The following PLG variants were observed in gnomAD, a reference collection of about 807,000 sequenced individuals.
PLG encodes the protein plasmin.
In PLG, 41 loss-of-function variants were observed where a neutral mutation model predicts 104.4. The ratio of observed to expected loss-of-function variants is 0.39; its 90% CI spans 0.31 to 0.51. The LOEUF (loss-of-function observed/expected upper bound fraction) is 0.51. Ranked by LOEUF, PLG falls within the 20% of genes least tolerant of loss-of-function variation. The pLI, the probability that PLG is intolerant of heterozygous loss-of-function variation, is 0.76. For synonymous variants in PLG, 337 were observed against 357.1 expected, an observed-to-expected ratio of 0.94 and a Z score of 0.63; for missense variants, 891 against 1,003.6, an observed-to-expected ratio of 0.89 and a Z score of 1.52.
At chr6:160,715,737 A>G (rs1209023591) in intron 6 of PLG, among the ~76,000 whole-genome samples, 1 of 152,190 alleles carries the variant, frequency 6.6e-6, no homozygotes, top group Non-Finnish European at 1.5e-5. Flanking sequence ...TCCCATTCCA[A>G]ATAGCTAGCT....
chr6:160,709,878 G>A (rs781015617), intron 3 of PLG, among the ~76,000 whole-genome samples: 2 of 152,116 alleles, frequency 1.3e-5, no homozygotes, highest in Non-Finnish European at 2.9e-5. Context: ...GGCTAAAGTG[G>A]GTAACCTTAA....
chr6:160,736,782 G>C lies in PLG; in HGVS notation c.1682-105G>C, dbSNP rs568683557. On this transcript the variant is annotated intron_variant, in intron 13 of 18. Coordinates refer to ENST00000308192, the MANE Select transcript of PLG (RefSeq NM_000301.5). The surrounding 1 kb of genome is among the most constrained non-coding windows in gnomAD (Gnocchi z 5.2). ...AGATGATGATTTTACTATTTAGTTC[G>C]GCCTTTAAGATGTCAAAAACTCAGT... The C allele has an allele frequency of 1.4e-6, 2 of 1,413,096 alleles. No homozygotes were observed. The highest frequency in any genetic ancestry group is 1.2e-5 in the South Asian group (1 of 85,610). 87.5% of individuals were successfully genotyped at this position (1,413,096 alleles called of 1,614,324 possible).
In PLG at chr6:160,734,541, G is replaced by A. The variant is rs1468804774; in HGVS notation, c.1681+453G>A. Among the ~76,000 whole-genome samples the A allele has an allele frequency of 2.0e-5, 3 of 152,094 alleles. No individual in the cohort carries two copies. Among genetic ancestry groups the A allele is most frequent in the African/African-American group, 4.8e-5 (2 of 41,416 alleles). On this transcript the variant is annotated intron_variant, in intron 13 of 18. Coordinates refer to ENST00000308192, the MANE Select transcript of PLG (RefSeq NM_000301.5). This position sits in a 1 kb window ranked among gnomAD's most constrained non-coding sequence, Gnocchi z 4.4. ...GGCCATCCTAGGAATTCAATGAAAG[G>A]TAGTGCAGCTCTTTAGCCCCAGATG...
Position 160,731,976 on chromosome 6 carries a change from G to T in PLG, c.1587+83G>T. ...ATTGGTTCTGTGTTACAGAAAATCTGACCTGGACTGCTCTTTTTTGTAATG... is the reference window on the plus strand; with the variant it reads ...ATTGGTTCTGTGTTACAGAAAATCTTACCTGGACTGCTCTTTTTTGTAATG... On this transcript the variant is annotated intron_variant, in intron 12 of 18. Coordinates refer to ENST00000308192, the MANE Select transcript of PLG (RefSeq NM_000301.5). The surrounding 1 kb of genome is among the most constrained non-coding windows in gnomAD (Gnocchi z 5.1). 7.2e-7 allele frequency: 1 copy of T among 1,386,844 alleles called. No homozygotes were observed. Among genetic ancestry groups the T allele is most frequent in the South Asian group, 1.2e-5 (1 of 86,310 alleles). The allele number at this position is 1,386,844 out of a possible 1,614,324, so 85.9% of individuals were successfully genotyped here. A position where few individuals can be genotyped will look rare whatever the true frequency, so the allele number is the denominator to read the frequency against.
At chr6:160,706,965 AG>A (rs1777539002) in intron 2 of PLG, among the ~76,000 whole-genome samples, 2 of 151,480 alleles carry the variant, frequency 1.3e-5, no homozygotes, top group Non-Finnish European at 2.9e-5. Flanking sequence ...AAAAAAAAAA[AG>A]ACAGCCCAAG....
At chr6:160,714,643 CAATT>C in intron 5 of PLG, 147 bp from the exon 6 acceptor site, 17 of 403,596 alleles carry the variant, frequency 4.2e-5, no homozygotes, top group Non-Finnish European at 7.1e-5. Context: ...TCCTTATTGC[CAATT>C]TTATTGCCAA....
intron 3 of PLG, among the ~76,000 whole-genome samples, chr6:160,708,983 C>A (rs545575017): frequency 2.8e-5 from 4 of 145,420 alleles, no homozygotes; most frequent in Non-Finnish European, 4.6e-5. Context: ...AAAAAAAAAA[C>A]CCTGATTCTC....
chr6:160,752,127 C>T lies in PLG; in HGVS notation c.2138C>T (p.Ala713Val), dbSNP rs773236077. 6.2e-7 allele frequency: 1 copy of T among 1,613,364 alleles called. No individual in the cohort carries two copies. The highest frequency in any genetic ancestry group is 1.1e-5 in the South Asian group (1 of 91,064). Residue 713 changes from alanine (A) to valine (V), a missense_variant, in exon 18 of 19, where the codon GCT (alanine) becomes GTT (valine). Physicochemically the swap from Ala to Val is moderately conservative, Grantham distance 64. Transcript: ENST00000308192. The surrounding 1 kb of genome is among the most constrained non-coding windows in gnomAD (Gnocchi z 4.7). The stretch of plus-strand genomic sequence containing the variant: ...TTTTTAAACACAGGTACTTTTGGAG[C>T]TGGCCTTCTCAAGGAAGCCCAGCTC... ...GWGETQGTFG[A>V]GLLKEAQLPV...
intron 17 of PLG, among the ~76,000 whole-genome samples, chr6:160,749,412 C>T (rs1308288415): frequency 6.6e-6 from 1 of 150,918 alleles, no homozygotes; most frequent in Non-Finnish European, 1.5e-5. Context: ...CCATCATCAT[C>T]ACTACCACTA....
chr6:160,714,720 T>C (rs1004086671), intron 5 of PLG, 74 bp from the exon 6 acceptor site: 29 of 1,495,446 alleles, frequency 1.9e-5, no homozygotes, highest in South Asian at 1.8e-4. Flanking sequence ...AGGATTCTGG[T>C]TTTTACTCTC....
In PLG at chr6:160,738,614, T is replaced by G. The variant is rs771654474; in HGVS notation, c.1877+2T>G. The G allele has an allele frequency of 6.3e-7, 1 of 1,585,030 alleles. No individual in the cohort carries two copies. The highest frequency in any genetic ancestry group is 1.3e-5 in the African/African-American group (1 of 74,344). ...GACTGCTGCCCACTGCTTGGAGAAG[T>G]ATGTTTAGGGGACAATTGACATGAA... On this transcript the variant is annotated splice_donor_variant, in intron 15 of 18. Transcript: ENST00000308192. LOFTEE classifies it high-confidence loss of function. The surrounding 1 kb of genome is among the most constrained non-coding windows in gnomAD (Gnocchi z 6.8).
chr6:160,713,212 A>G lies in PLG; in HGVS notation c.547+87A>G. 6 of 1,027,490 alleles carry G rather than the reference A, an allele frequency of 5.8e-6. No individual in the cohort carries two copies. In the South Asian group the frequency reaches 7.6e-5, roughly 13 times the overall value. 63.6% of individuals were successfully genotyped at this position (1,027,490 alleles called of 1,614,324 possible). On this transcript the variant is annotated intron_variant, in intron 5 of 18. Transcript: ENST00000308192. ...TAAAGCCCCTTCCCACAGGGATGTT[A>G]TTAATAATTGAGTAACGTATTCACC...
intron 9 of PLG, among the ~76,000 whole-genome samples, chr6:160,720,080 C>G (rs1424345341): frequency 6.6e-6 from 1 of 152,046 alleles, no homozygotes; most frequent in African/African-American, 2.4e-5. Context: ...TTTTGAGTGT[C>G]TGAAAAAGTA....
At chr6:160,730,764 G>A (rs988295724) in intron 10 of PLG, 7 of 328,266 alleles carry the variant, frequency 2.1e-5, no homozygotes, top group Non-Finnish European at 1.7e-5. Flanking sequence ...AAGGTGGGAG[G>A]GGGATATTCT....
chr6:160,715,165 A>G (rs1426153663), intron 6 of PLG, among the ~76,000 whole-genome samples: 1 of 152,232 alleles, frequency 6.6e-6, no homozygotes, highest in Non-Finnish European at 1.5e-5. Context: ...ACACCCTCTG[A>G]ATCTGATTTG....
Position 160,716,678 on chromosome 6 carries a change from T to C in PLG, c.702T>C (p.Cys234=), listed in dbSNP as rs762435382. 1 of 1,612,984 alleles carries C rather than the reference T, an allele frequency of 6.2e-7. No homozygotes were observed. Among genetic ancestry groups the C allele is most frequent in the African/African-American group, 1.3e-5 (1 of 75,034 alleles). ...FPNKNLKKNY[C]RNPDRELRPW... ...ACAAGAACCTGAAGAAGAATTACTG[T>C]CGTAACCCCGATAGGGAGCTGCGGC... is the stretch of plus-strand genomic sequence containing the variant. The change falls in exon 7 of 19, where the codon TGT becomes TGC. Residue 234 remains cysteine (C), a synonymous_variant. Transcript: ENST00000308192.
intron 7 of PLG, among the ~76,000 whole-genome samples, chr6:160,717,610 A>C (rs185875471): frequency 1.3e-4 from 20 of 152,116 alleles, no homozygotes; most frequent in Admixed American, 4.6e-4. Context: ...GTTGGGTGCC[A>C]TTCAGTCATG....
rs752807651 is a variant in PLG at position 160,738,569 on chromosome 6, A to T, written c.1834A>T (p.Ile612Leu). Residue 612 changes from isoleucine to leucine, a missense_variant, in exon 15 of 19, where the codon ATA (isoleucine) becomes TTA (leucine). Around this residue, in one of 2 missense-constraint regions of PLG, gnomAD observed 854 missense variants for 932.1 expected, o/e 0.92. Transcript: ENST00000308192. This position sits in a 1 kb window ranked among gnomAD's most constrained non-coding sequence, Gnocchi z 6.8. ...FGMHFCGGTLISPEWVLTAAH... is the reference protein window; with the variant it reads ...FGMHFCGGTLLSPEWVLTAAH... ...AATGCACTTCTGTGGAGGCACCTTG[A>T]TATCCCCAGAGTGGGTGTTGACTGC... is the stretch of plus-strand genomic sequence containing the variant. 6.2e-7 allele frequency: 1 copy of T among 1,612,042 alleles called. No homozygotes were observed. The highest frequency in any genetic ancestry group is 1.1e-5 in the South Asian group (1 of 91,044).
At position 160,744,464 on chromosome 6, in the gene PLG, T is replaced by C. The variant is rs1197259945; in HGVS notation, c.2125+3047T>C. 6.6e-6 allele frequency among the ~76,000 whole-genome samples: 1 copy of C among 152,212 alleles called. No homozygotes were observed. The highest frequency in any genetic ancestry group is 1.5e-5 in the Non-Finnish European group (1 of 68,034). ...GTGTGCATGGAGCTGTTTGTAGTAG[T>C]TTCTGATGGTTATTTTTATTTTTGT... On this transcript the variant is annotated intron_variant, in intron 17 of 18. Coordinates refer to ENST00000308192, the MANE Select transcript of PLG (RefSeq NM_000301.5). The surrounding 1 kb of genome is among the most constrained non-coding windows in gnomAD (Gnocchi z 4.5).
Sources: allele counts gnomAD v4.1 joint callset (sites outside exome capture counted in the v4.1 genomes callset), GRCh38; gene constraint gnomAD v4.1.1; regional missense constraint gnomAD v4.1.1; non-coding constraint Gnocchi (gnomAD v3.1); transcripts MANE v1.5; gene names NCBI Gene and HGNC (gene_info 2026-07-23, HGNC 2026-07-21).